EYS: variants seen among roughly 807,000 people sequenced by gnomAD.
EYS encodes the protein protein eyes shut homolog.
A neutral mutation model predicts 282.1 loss-of-function variants in EYS; 250 were observed. That is an observed-to-expected ratio of 0.89 (90% confidence interval 0.80 to 0.98). The LOEUF (loss-of-function observed/expected upper bound fraction) is 0.98. EYS is among the 50% of genes least tolerant of loss of function. EYS has a pLI of 0.00. For synonymous variants in EYS, 1,355 were observed against 1,282.9 expected (o/e 1.06, Z -1.20); for missense variants, 4,016 against 3,709.0 (o/e 1.08, Z -2.15).
intron 12 of EYS, among the ~76,000 whole-genome samples, chr6:65,222,428 T>G (rs1325443966): frequency 6.6e-6 from 1 of 152,164 alleles, no homozygotes; most frequent in African/African-American, 2.4e-5. Context: ...CTCTCTTGCC[T>G]GCCATCATGT....
chr6:63,850,365 CAT>C lies in EYS; in HGVS notation c.7228+13819_7228+13820del, dbSNP rs535168463. 2.4e-4 allele frequency among the ~76,000 whole-genome samples: 36 copies of C among 152,098 alleles called. 1 individual carries two copies. The South Asian group carries it at 7.5e-3, about 32-fold the overall frequency. On this transcript the variant is annotated intron_variant, in intron 36 of 42. Coordinates refer to ENST00000503581, the MANE Select transcript of EYS (RefSeq NM_001142800.2). ...GTCATTGAGAAGAGCAACACCAAGACATATAATCATCAGATTCACCAAGATTG... is the reference window on the plus strand; with the variant it reads ...GTCATTGAGAAGAGCAACACCAAGACATAATCATCAGATTCACCAAGATTG...
chr6:64,986,131 T>A (rs1377786468), intron 14 of EYS, among the ~76,000 whole-genome samples: 1 of 151,306 alleles, frequency 6.6e-6, no homozygotes, highest in African/African-American at 2.4e-5. Context: ...TATATTCCCA[T>A]CCACAAAGGA....
Position 65,353,611 on chromosome 6 carries a change from A to C in EYS, c.1306T>G (p.Cys436Gly). The change falls in exon 9 of 43, where the codon TGC becomes GGC. Residue 436 changes from cysteine to glycine, a missense_variant. Transcript: ENST00000503581. ...GGATTTTTTGTGCACCCTGGAATGC[A>C]TACATACTGCAAAAAGGAAACAAGG... ...FNIIGRFKYV[C>G]IPGCTKNPCW... 6.2e-7 allele frequency: 1 copy of C among 1,612,274 alleles called. No individual in the cohort carries two copies. The highest frequency in any genetic ancestry group is 8.5e-7 in the Non-Finnish European group (1 of 1,178,660).
At chr6:63,742,106 T>G in intron 41 of EYS, 1 of 619,028 alleles carries the variant, frequency 1.6e-6, no homozygotes, top group South Asian at 1.8e-5. Context: ...CTTGTACATC[T>G]GTCCTGCAGT....
At chr6:64,842,509 C>G (rs1337954138) in intron 19 of EYS, among the ~76,000 whole-genome samples, 5 of 151,746 alleles carry the variant, frequency 3.3e-5, no homozygotes, top group African/African-American at 1.2e-4. Flanking sequence ...TTGGAGAGCT[C>G]AGGAGAAGAC....
intron 26 of EYS, among the ~76,000 whole-genome samples, chr6:64,456,675 T>G (rs1299109356): frequency 6.6e-6 from 1 of 152,076 alleles, no homozygotes. Context: ...GTGGGTTTTT[T>G]TGCAGGCATA....
At chr6:65,263,262 G>A (rs1767664945) in intron 12 of EYS, among the ~76,000 whole-genome samples, 1 of 151,974 alleles carries the variant, frequency 6.6e-6, no homozygotes, top group Non-Finnish European at 1.5e-5. Flanking sequence ...GATCACCTGA[G>A]CCCAGGAGGT....
chr6:64,030,581 C>T (rs142604378), intron 33 of EYS, among the ~76,000 whole-genome samples: 3 of 152,250 alleles, frequency 2.0e-5, no homozygotes, highest in East Asian at 1.9e-4. Context: ...TGCCGCCCGG[C>T]GTTTACAGGA....
At chr6:64,737,529 T>C (rs189547403) in intron 22 of EYS, among the ~76,000 whole-genome samples, 55 of 152,326 alleles carry the variant, frequency 3.6e-4, no homozygotes, top group Admixed American at 3.5e-3. Flanking sequence ...GCCACAAAGA[T>C]GGCATCACAA....
intron 35 of EYS, among the ~76,000 whole-genome samples, chr6:63,925,562 T>C (rs942693088): frequency 2.0e-5 from 3 of 152,248 alleles, no homozygotes; most frequent in East Asian, 1.9e-4. Context: ...CCAGGATACA[T>C]GTGCAGAACA....
chr6:64,824,836 A>T (rs984057524), intron 19 of EYS, among the ~76,000 whole-genome samples: 1 of 151,824 alleles, frequency 6.6e-6, no homozygotes, highest in Admixed American at 6.6e-5. Context: ...TTATCTTAGG[A>T]TCTTTTTTTC....
intron 31 of EYS, among the ~76,000 whole-genome samples, chr6:64,197,459 A>G (rs1021943554): frequency 6.6e-6 from 1 of 152,196 alleles, no homozygotes; most frequent in African/African-American, 2.4e-5. Context: ...AGCAAATTTT[A>G]TCAGGGTGAA....
intron 35 of EYS, among the ~76,000 whole-genome samples, chr6:63,977,679 C>A (rs947986490): frequency 3.9e-5 from 6 of 152,092 alleles, no homozygotes; most frequent in African/African-American, 7.2e-5. Context: ...TGGAGCAAGG[C>A]TTTGTGAGGA....
intron 26 of EYS, among the ~76,000 whole-genome samples, chr6:64,517,944 T>C (rs1328055567): frequency 6.6e-6 from 1 of 151,844 alleles, no homozygotes; most frequent in Non-Finnish European, 1.5e-5. Flanking sequence ...TTCCAGCTGA[T>C]GTTGCCTATG....
chr6:64,081,649 T>A (rs950311275), intron 32 of EYS, among the ~76,000 whole-genome samples: 4 of 152,168 alleles, frequency 2.6e-5, no homozygotes, highest in Admixed American at 1.3e-4. Context: ...TCAGCTCAGA[T>A]CCTGTTTGTA....
At chr6:65,164,966 T>C (rs921664647) in intron 12 of EYS, among the ~76,000 whole-genome samples, 1 of 151,294 alleles carries the variant, frequency 6.6e-6, no homozygotes, top group African/African-American at 2.4e-5. Context: ...ACTTAATTAG[T>C]GCTATGAAGA....
chr6:64,658,509 T>G (rs1208136389), intron 22 of EYS, among the ~76,000 whole-genome samples: 1 of 152,218 alleles, frequency 6.6e-6, no homozygotes, highest in African/African-American at 2.4e-5. Flanking sequence ...TCTTTGATGA[T>G]GGTGACGTAC....
At chr6:64,548,641 A>G (rs1764960930) in intron 26 of EYS, among the ~76,000 whole-genome samples, 1 of 152,100 alleles carries the variant, frequency 6.6e-6, no homozygotes, top group South Asian at 2.1e-4. Flanking sequence ...GAACACATGG[A>G]CACAGGAAGG....
chr6:65,537,184 C>T (rs1011935082), intron 2 of EYS, among the ~76,000 whole-genome samples: 2 of 152,064 alleles, frequency 1.3e-5, no homozygotes. Flanking sequence ...ACATCACACA[C>T]TGGTGCCTGT....
Sources: allele counts gnomAD v4.1 joint callset (sites outside exome capture counted in the v4.1 genomes callset), GRCh38; gene constraint gnomAD v4.1.1; transcripts MANE v1.5; gene names NCBI Gene and HGNC (gene_info 2026-07-23, HGNC 2026-07-21).